TMEM163: variants seen among roughly 807,000 people sequenced by gnomAD.
TMEM163 encodes transmembrane protein 163.
A neutral mutation model predicts 29.3 loss-of-function variants in TMEM163; 17 were observed. The ratio of observed to expected loss-of-function variants is 0.58; its 90% CI spans 0.40 to 0.87. The LOEUF (loss-of-function observed/expected upper bound fraction) is 0.87, where lower values mean the gene tolerates loss of function less well. TMEM163 is among the 40% of genes least tolerant of loss of function. TMEM163 has a pLI of 0.00. For synonymous variants in TMEM163, 157 were observed against 160.6 expected (o/e 0.98, Z 0.17); for missense variants, 303 against 381.5 (o/e 0.79, Z 1.71).
intron 2 of TMEM163, among the ~76,000 whole-genome samples, chr2:134,646,830 A>C (rs1683347217): frequency 6.6e-6 from 1 of 152,196 alleles, no homozygotes; most frequent in Non-Finnish European, 1.5e-5. Context: ...TTCATGATGA[A>C]GGCATACAAG....
chr2:134,458,365 G>C lies in TMEM163; in HGVS notation c.668-192C>G, dbSNP rs190968883. 2.2e-4 allele frequency: 137 copies of C among 619,310 alleles called. No individual in the cohort carries two copies. The African/African-American group carries it at 2.3e-3, about 10-fold the overall frequency. 38.4% of individuals were successfully genotyped at this position (619,310 alleles called of 1,614,324 possible). On this transcript the variant is annotated intron_variant, in intron 6 of 7. Coordinates refer to ENST00000281924, the MANE Select transcript of TMEM163 (RefSeq NM_030923.5). ...ATGTCACCAGATACCTCCCAGAATA[G>C]AGCCGTCACCCCCACCATCATTCTG...
chr2:134,694,761 A>C (rs1684542641), intron 2 of TMEM163, among the ~76,000 whole-genome samples: 1 of 152,234 alleles, frequency 6.6e-6, no homozygotes, highest in Admixed American at 6.5e-5. Flanking sequence ...ATTCTTTAAA[A>C]AATATAGCAG....
chr2:134,530,937 G>C (rs563293262), intron 4 of TMEM163, among the ~76,000 whole-genome samples: 3 of 152,272 alleles, frequency 2.0e-5, no homozygotes, highest in Non-Finnish European at 2.9e-5. Context: ...TCAAGCTTAG[G>C]ATTCAAGGAG....
At chr2:134,713,475 C>A in intron 1 of TMEM163, 156 bp from the exon 2 acceptor site, 1 of 1,101,046 alleles carries the variant, frequency 9.1e-7, no homozygotes, top group Non-Finnish European at 1.4e-6. Context: ...TTAGATTTCA[C>A]ATGAAAATCA....
At chr2:134,670,484 T>C (rs11898084) in intron 2 of TMEM163, among the ~76,000 whole-genome samples, 98,256 of 152,064 alleles carry the variant, frequency 0.65, 33,028 homozygotes, top group African/African-American at 0.79. Flanking sequence ...CTTGCCCTGA[T>C]ACTACCCTTC....
chr2:134,606,139 G>A (rs1439104036), intron 2 of TMEM163, among the ~76,000 whole-genome samples: 3 of 152,074 alleles, frequency 2.0e-5, no homozygotes, highest in African/African-American at 7.2e-5. Context: ...GAATTCACTG[G>A]TCTCAAGGTA....
At chr2:134,629,350 T>C (rs1682920191) in intron 2 of TMEM163, among the ~76,000 whole-genome samples, 1 of 152,208 alleles carries the variant, frequency 6.6e-6, no homozygotes, top group Non-Finnish European at 1.5e-5. Context: ...TCGTTTCTTC[T>C]CAGAAGTGAG....
intron 2 of TMEM163, among the ~76,000 whole-genome samples, chr2:134,641,527 C>A (rs890825100): frequency 3.3e-5 from 5 of 152,024 alleles, no homozygotes; most frequent in Admixed American, 3.3e-4. Context: ...AATAAAAAGT[C>A]AAGCAACAGA....
At chr2:134,689,126 T>TTTA (rs59424529) in intron 2 of TMEM163, among the ~76,000 whole-genome samples, 1 of 145,166 alleles carries the variant, frequency 6.9e-6, no homozygotes. Context: ...TTTTTTTTTT[T>TTTA]GAGATGGAGT....
At chr2:134,578,556 C>T (rs542911973) in intron 2 of TMEM163, among the ~76,000 whole-genome samples, 9 of 152,220 alleles carry the variant, frequency 5.9e-5, no homozygotes, top group South Asian at 4.2e-4. Context: ...GATTGGATAA[C>T]GAAGAGCAAA....
chr2:134,532,697 C>A (rs749916062), intron 4 of TMEM163, among the ~76,000 whole-genome samples: 15 of 152,198 alleles, frequency 9.9e-5, no homozygotes, highest in Non-Finnish European at 1.8e-4. Context: ...TTGGGAAAAG[C>A]AACCTAATAC....
chr2:134,684,554 C>G (rs1684313798), intron 2 of TMEM163, among the ~76,000 whole-genome samples: 1 of 152,142 alleles, frequency 6.6e-6, no homozygotes, highest in South Asian at 2.1e-4. Flanking sequence ...TGAGGCTGCA[C>G]TTCAGAGGTA....
intron 2 of TMEM163, among the ~76,000 whole-genome samples, chr2:134,608,788 G>T (rs1682422072): frequency 7.8e-5 from 3 of 38,696 alleles, no homozygotes; most frequent in African/African-American, 3.8e-4. Flanking sequence ...CAGACCCCGA[G>T]AACTGTGCTG....
At chr2:134,714,329 A>G (rs1423972213) in intron 1 of TMEM163, among the ~76,000 whole-genome samples, 2 of 152,250 alleles carry the variant, frequency 1.3e-5, no homozygotes, top group African/African-American at 4.8e-5. Context: ...GAGGTTGAGC[A>G]GCCTCATCAG....
chr2:134,633,534 G>A (rs1188286281), intron 2 of TMEM163, among the ~76,000 whole-genome samples: 1 of 152,184 alleles, frequency 6.6e-6, no homozygotes, highest in African/African-American at 2.4e-5. Context: ...GGGAGCTTTT[G>A]CAAAAGATCA....
intron 4 of TMEM163, among the ~76,000 whole-genome samples, chr2:134,517,742 G>T (rs1230046664): frequency 6.6e-6 from 1 of 152,154 alleles, no homozygotes; most frequent in Non-Finnish European, 1.5e-5. Flanking sequence ...CAATCTAGAT[G>T]GAGCAATGGG....
chr2:134,673,740 C>T (rs752001896), intron 2 of TMEM163, among the ~76,000 whole-genome samples: 1 of 152,142 alleles, frequency 6.6e-6, no homozygotes, highest in African/African-American at 2.4e-5. Context: ...CAGGCAGCCT[C>T]TAGAAACTGG....
At chr2:134,666,706 CCTCATTTT>C (rs1429172362) in intron 2 of TMEM163, among the ~76,000 whole-genome samples, 3 of 152,210 alleles carry the variant, frequency 2.0e-5, no homozygotes. Context: ...TCCACCAATT[CCTCATTTT>C]AAGATCTCCA....
At chr2:134,465,198 A>AAAAAAAAAAAC (rs1352256515) in intron 6 of TMEM163, among the ~76,000 whole-genome samples, 4,647 of 144,000 alleles carry the variant, frequency 0.032, 288 homozygotes, top group African/African-American at 0.12. Flanking sequence ...TTAAAAAAAA[A>AAAAAAAAAAAC]AAAAACAAAA....
Sources: gnomAD v4.1 joint callset for allele counts (sites outside exome capture counted in the v4.1 genomes callset) on GRCh38, gnomAD v4.1.1 for gene constraint, MANE v1.5 for transcripts, NCBI Gene and HGNC (gene_info 2026-07-23, HGNC 2026-07-21) for gene names.